CNTN2: variants seen among roughly 807,000 people sequenced by gnomAD.
CNTN2 encodes the protein contactin-2.
In CNTN2, 53 loss-of-function variants were observed where a neutral mutation model predicts 117.5. The observed-to-expected ratio is 0.45, with a 90% CI of 0.36 to 0.57. CNTN2 has a LOEUF of 0.57. Ranked by LOEUF, CNTN2 falls within the 20% of genes least tolerant of loss-of-function variation. The probability of loss-of-function intolerance (pLI) is 0.00; values close to 1 mark genes in which losing one functional copy is unlikely to be tolerated. For synonymous variants in CNTN2, 530 were observed against 561.7 expected (o/e 0.94, Z 0.80); for missense variants, 1,106 against 1,404.3 (o/e 0.79, Z 3.39).
At chr1:205,070,671 C>T (rs1175341372) in intron 19 of CNTN2, 133 bp downstream of exon 19, 2 of 626,640 alleles carry the variant, frequency 3.2e-6, no homozygotes, top group Non-Finnish European at 5.7e-6. Context: ...AGCATCCAGT[C>T]TGTGTAGCAC....
intron 14 of CNTN2, chr1:205,066,120 C>T: frequency 3.1e-6 from 2 of 654,020 alleles, no homozygotes; most frequent in South Asian, 4.1e-5. Flanking sequence ...TTAAAAAATC[C>T]ACTCCTAAAC....
chr1:205,065,317 G>T lies in CNTN2; in HGVS notation c.1695+55G>T, dbSNP rs185350457. On this transcript the variant is annotated intron_variant, in intron 13 of 22. Transcript: ENST00000331830. The surrounding 1 kb of genome is among the most constrained non-coding windows in gnomAD (Gnocchi z 4.1). Reference sequence around the variant, plus strand: ...TCTCCCTCCTTCTAGAGAGACAGGGGCCCCAAGATGTCCTTAGCCATCCTC... The same window carrying T: ...TCTCCCTCCTTCTAGAGAGACAGGGTCCCCAAGATGTCCTTAGCCATCCTC... 10,496 of 1,589,668 alleles carry T rather than the reference G, an allele frequency of 6.6e-3. 45 individuals are homozygous for T. The highest frequency in any genetic ancestry group is 8.8e-3 in the Admixed American group (510 of 58,256).
intron 1 of CNTN2, among the ~76,000 whole-genome samples, chr1:205,049,281 G>GACACACAC (rs3835569): frequency 2.1e-3 from 255 of 120,716 alleles, no homozygotes; most frequent in African/African-American, 5.7e-3. Flanking sequence ...CCTCACACCC[G>GACACACAC]ACACACACAC....
intron 10 of CNTN2, 23 bp from the exon 11 acceptor site, chr1:205,064,299 G>A (rs775275786): frequency 2.0e-6 from 3 of 1,537,046 alleles, no homozygotes; most frequent in South Asian, 2.4e-5. Context: ...ACTTTTCTCT[G>A]TGGCTCTCCC....
intron 2 of CNTN2, among the ~76,000 whole-genome samples, chr1:205,056,756 G>A (rs991679458): frequency 1.3e-5 from 2 of 152,164 alleles, no homozygotes; most frequent in Admixed American, 6.5e-5. Flanking sequence ...CCAGTCAGCA[G>A]AGAGCCCACC....
chr1:205,055,020 G>T (rs2096458844), intron 2 of CNTN2, among the ~76,000 whole-genome samples: 1 of 151,864 alleles, frequency 6.6e-6, no homozygotes, highest in Non-Finnish European at 1.5e-5. Flanking sequence ...TGCGGGTTTT[G>T]TTTTTGTTTT....
rs952576874 is a variant in CNTN2 at position 205,059,781 on chromosome 1, C to T, written c.797+99C>T. 5 of 992,534 alleles carry T rather than the reference C, an allele frequency of 5.0e-6. No individual in the cohort carries two copies. Among genetic ancestry groups the T allele is most frequent in the Non-Finnish European group, 7.9e-6 (5 of 629,492 alleles). 61.5% of individuals were successfully genotyped at this position (992,534 alleles called of 1,614,324 possible). A position where few individuals can be genotyped will look rare whatever the true frequency, so the allele number is the denominator to read the frequency against. On this transcript the variant is annotated intron_variant, in intron 7 of 22. Coordinates refer to ENST00000331830, the MANE Select transcript of CNTN2 (RefSeq NM_005076.5). The surrounding 1 kb of genome is among the most constrained non-coding windows in gnomAD (Gnocchi z 5.6). ...AGAGTCAGGGCTCTTATCTTGGTGT[C>T]CCTCACAGGGTCTAGCAAAGTACTG... is the stretch of plus-strand genomic sequence containing the variant.
At chr1:205,062,626 GA>G in intron 10 of CNTN2, 57 bp downstream of exon 10, 1 of 1,564,380 alleles carries the variant, frequency 6.4e-7, no homozygotes, top group Non-Finnish European at 8.7e-7. Context: ...GTGGCTTTCA[GA>G]GCTCTGAGTT....
intron 17 of CNTN2, 93 bp from the exon 18 acceptor site, chr1:205,069,734 G>A (rs1654487139): frequency 6.8e-7 from 1 of 1,476,560 alleles, no homozygotes; most frequent in African/African-American, 1.4e-5. Flanking sequence ...AGGCGTCCAG[G>A]GCCGCTACTC....
chr1:205,070,434 G>C lies in CNTN2; in HGVS notation c.2440G>C (p.Val814Leu). 6.2e-7 allele frequency: 1 copy of C among 1,612,458 alleles called. No individual in the cohort carries two copies. The highest frequency in any genetic ancestry group is 8.5e-7 in the Non-Finnish European group (1 of 1,178,908). Residue 814 changes from valine to leucine, a missense_variant, in exon 19 of 23, where the codon GTG becomes CTG. Val to Leu is a conservative substitution (Grantham distance 32, BLOSUM62 1). Transcript: ENST00000331830. Reference sequence around the variant, plus strand: ...TCTGTATTGGTCCCCAGAGCCCAGGGTGGCCCCTACCAAGGTGTGGGCCAA... The same window carrying C: ...TCTGTATTGGTCCCCAGAGCCCAGGCTGGCCCCTACCAAGGTGTGGGCCAA... The part of the protein sequence containing the change: ...LVYSAEEEPR[V>L]APTKVWAKGV...
In CNTN2 at chr1:205,058,496, C is replaced by T. The variant is rs762796697; in HGVS notation, c.392-72C>T. ...ATGCCTTAGTGAACTGCTGCTTCTC[C>T]GTGAAGGATGAGTCGGGGAGGGGCT... On this transcript the variant is annotated intron_variant, in intron 4 of 22. Coordinates refer to ENST00000331830, the MANE Select transcript of CNTN2 (RefSeq NM_005076.5). The surrounding 1 kb of genome is among the most constrained non-coding windows in gnomAD (Gnocchi z 4.3). 13 of 1,570,348 alleles carry T rather than the reference C, an allele frequency of 8.3e-6. No homozygotes were observed. Among genetic ancestry groups the T allele is most frequent in the South Asian group, 3.4e-5 (3 of 89,354 alleles).
chr1:205,056,601 G>T (rs546433127), intron 2 of CNTN2, among the ~76,000 whole-genome samples: 33 of 152,294 alleles, frequency 2.2e-4, no homozygotes, highest in African/African-American at 7.9e-4. Flanking sequence ...GGATGCGCTG[G>T]GAAAGGAACT....
Position 205,064,408 on chromosome 1 carries a change from C to T in CNTN2, c.1327C>T (p.Arg443Trp), listed in dbSNP as rs765367852. Residue 443 changes from arginine to tryptophan, a missense_variant, in exon 11 of 23, where the codon CGG becomes TGG. Physicochemically the swap from Arg to Trp is moderately radical, Grantham distance 101. Transcript: ENST00000331830. ...AGAGATCCTTATCCCCTGCCAGCCC[C>T]GGGCAGCTCCAAAGGCCGTGGTGCT... is the stretch of plus-strand genomic sequence containing the variant. Reference protein sequence around the residue: ...GGEILIPCQPRAAPKAVVLWS... With the variant: ...GGEILIPCQPWAAPKAVVLWS... The T allele has an allele frequency of 9.3e-6, 15 of 1,613,002 alleles. No individual in the cohort carries two copies. In the East Asian group the frequency reaches 1.3e-4, roughly 14 times the overall value.
chr1:205,056,686 G>A (rs1020004162), intron 2 of CNTN2, among the ~76,000 whole-genome samples: 1 of 152,212 alleles, frequency 6.6e-6, no homozygotes, highest in Non-Finnish European at 1.5e-5. Context: ...AGAGGTAGAA[G>A]CCAATTAGGG....
chr1:205,054,989 T>TTTG (rs559027768), intron 2 of CNTN2, among the ~76,000 whole-genome samples: 72 of 151,864 alleles, frequency 4.7e-4, no homozygotes, highest in Middle Eastern at 3.4e-3. Context: ...GAGAGTGTGT[T>TTTG]TTGTTGTTGT....
Position 205,048,311 on chromosome 1 carries a change from AT to A in CNTN2, c.-86-4788del, listed in dbSNP as rs1188838215. Among the ~76,000 whole-genome samples, 3 of 152,016 alleles carry A rather than the reference AT, an allele frequency of 2.0e-5. No individual in the cohort carries two copies. In the East Asian group the frequency reaches 5.8e-4, roughly 29 times the overall value. On this transcript the variant is annotated intron_variant, in intron 1 of 22. Coordinates refer to ENST00000331830, the MANE Select transcript of CNTN2 (RefSeq NM_005076.5). The surrounding 1 kb of genome is among the most constrained non-coding windows in gnomAD (Gnocchi z 4.1). ...TGACTGGCTCCATGCGGGGGGCCTT[AT>A]CCCAGAAAACCTTGTCGTGTGTTGG...
chr1:205,073,625 G>A lies in CNTN2; in HGVS notation c.3014-31G>A, dbSNP rs2151201158. The A allele has an allele frequency of 1.9e-6, 3 of 1,599,654 alleles. No homozygotes were observed. The highest frequency in any genetic ancestry group is 4.5e-5 in the East Asian group (2 of 44,708). On this transcript the variant is annotated intron_variant, in intron 22 of 22. Coordinates refer to ENST00000331830, the MANE Select transcript of CNTN2 (RefSeq NM_005076.5). The surrounding 1 kb of genome is among the most constrained non-coding windows in gnomAD (Gnocchi z 6.3). The stretch of plus-strand genomic sequence containing the variant: ...AAGGGTGGGGCTAGGGTAGTCCCAG[G>A]CCCAGCTGACTCAGCTTGTGCTGGT...
Position 205,061,287 on chromosome 1 carries a change from G to A in CNTN2, c.840G>A (p.Leu280=), listed in dbSNP as rs1574646495. The A allele has an allele frequency of 1.2e-6, 2 of 1,613,884 alleles. No homozygotes were observed. The highest frequency in any genetic ancestry group is 1.7e-6 in the Non-Finnish European group (2 of 1,179,858). The part of the protein sequence containing the change: ...RIKWRKVDGS[L]SPQWTTAEPT... ...AGTGGCGCAAAGTGGACGGCTCCCT[G>A]TCCCCGCAGTGGACCACAGCTGAGC... The change falls in exon 8 of 23, where the codon CTG becomes CTA. Residue 280 remains leucine, a synonymous_variant. Transcript: ENST00000331830. The surrounding 1 kb of genome is among the most constrained non-coding windows in gnomAD (Gnocchi z 4.8).
intron 18 of CNTN2, 171 bp from the exon 19 acceptor site, chr1:205,070,255 C>G (rs1414845806): frequency 2.8e-6 from 2 of 714,408 alleles, no homozygotes; most frequent in African/African-American, 1.8e-5. Context: ...AAAAGGGAGG[C>G]TCTCTGGGAA....
Sources: allele counts gnomAD v4.1 joint callset (sites outside exome capture counted in the v4.1 genomes callset), GRCh38; gene constraint gnomAD v4.1.1; non-coding constraint Gnocchi (gnomAD v3.1); transcripts MANE v1.5; gene names NCBI Gene and HGNC (gene_info 2026-07-23, HGNC 2026-07-21).